Variants in OSGEPL1 observed in about 807,000 individuals in gnomAD.
The protein encoded by OSGEPL1 is O-sialoglycoprotein endopeptidase like 1.
In OSGEPL1, 26 loss-of-function variants were observed where a neutral mutation model predicts 37.2. The ratio of observed to expected loss-of-function variants is 0.70; its 90% CI spans 0.51 to 0.97. The LOEUF (loss-of-function observed/expected upper bound fraction) is 0.97, where lower values mean the gene tolerates loss of function less well. OSGEPL1 is among the 50% of genes least tolerant of loss of function. The probability of loss-of-function intolerance (pLI) is 0.00; values close to 1 mark genes in which losing one functional copy is unlikely to be tolerated. For synonymous variants in OSGEPL1, 140 were observed against 159.9 expected (o/e 0.88, Z 0.94); for missense variants, 404 against 487.0 (o/e 0.83, Z 1.60).
At chr2:189,763,099 G>T, upstream of OSGEPL1, 1 of 985,220 alleles carries the variant, frequency 1.0e-6, no homozygotes, top group Non-Finnish European at 1.2e-6. Context: ...GAAAAGGATG[G>T]GGTAGATTAT....
chr2:189,758,825 C>G (rs1207170769), intron 2 of OSGEPL1, among the ~76,000 whole-genome samples: 1 of 152,116 alleles, frequency 6.6e-6, no homozygotes, highest in Non-Finnish European at 1.5e-5. Context: ...GAAAGTATTA[C>G]AAAGAAAATA....
intron 2 of OSGEPL1, among the ~76,000 whole-genome samples, chr2:189,756,895 T>C (rs1302552124): frequency 6.6e-6 from 1 of 152,236 alleles, no homozygotes; most frequent in Admixed American, 6.5e-5. Flanking sequence ...TTTAGTTTCA[T>C]GGAATTTGGG....
chr2:189,762,741 G>C lies in OSGEPL1; in HGVS notation c.-77C>G, dbSNP rs1338613736. 2.0e-6 allele frequency: 2 copies of C among 985,464 alleles called. No individual in the cohort carries two copies. The highest frequency in any genetic ancestry group is 4.7e-5 in the South Asian group (1 of 21,284). The allele number at this position is 985,464 out of a possible 1,614,324, so 61.0% of individuals were successfully genotyped here. A position where few individuals can be genotyped will look rare whatever the true frequency, so the allele number is the denominator to read the frequency against. On this transcript the variant is annotated 5_prime_UTR_variant, in exon 1 of 9. Transcript: ENST00000264151. ...TCTCCTTTCCCTACTAAAGACTGTC[G>C]ACTGCCCTTATCGCTGCAGGAGAAA...
intron 2 of OSGEPL1, among the ~76,000 whole-genome samples, chr2:189,758,684 C>T (rs914641768): frequency 6.6e-6 from 1 of 152,210 alleles, no homozygotes; most frequent in Non-Finnish European, 1.5e-5. Flanking sequence ...CACTGAACAC[C>T]TGTGATGTGT....
chr2:189,752,325 T>C (rs1256661046), intron 7 of OSGEPL1, among the ~76,000 whole-genome samples: 1 of 152,174 alleles, frequency 6.6e-6, no homozygotes, highest in Non-Finnish European at 1.5e-5. Flanking sequence ...TTTCCCAGCA[T>C]ACTTGCTGGT....
intron 2 of OSGEPL1, among the ~76,000 whole-genome samples, chr2:189,759,287 C>T (rs368419127): frequency 2.6e-5 from 4 of 151,212 alleles, no homozygotes; most frequent in African/African-American, 7.3e-5. Context: ...CTCACTCTGT[C>T]GCCCGGGCTG....
At chr2:189,758,284 G>GT (rs200559687) in intron 2 of OSGEPL1, among the ~76,000 whole-genome samples, 2,463 of 152,216 alleles carry the variant, frequency 0.016, 65 homozygotes, top group African/African-American at 0.056. Context: ...TGAAGGCTGA[G>GT]GGGGGAGAAT....
At position 189,746,661 on chromosome 2, in the gene OSGEPL1, AT is replaced by A; in HGVS notation, c.*535del. The A allele has an allele frequency of 6.5e-7, 1 of 1,541,614 alleles. No homozygotes were observed. The highest frequency in any genetic ancestry group is 8.7e-7 in the Non-Finnish European group (1 of 1,151,558). On this transcript the variant is annotated 3_prime_UTR_variant, in exon 9 of 9. Transcript: ENST00000264151. ...TTTAGAATGAAAGGATTCCTGAGCC[AT>A]CTTTTAAAAATTTTTTTATTTTTAA...
chr2:189,752,848 C>A lies in OSGEPL1; in HGVS notation c.1094+1G>T. ...TGAAGCACGTATATCCTGTGGCTTA[C>A]CATGCAATCATAATGCCATTATCAG... On this transcript the variant is annotated splice_donor_variant, in intron 6 of 8. Transcript: ENST00000264151. LOFTEE classifies it high-confidence loss of function. 1.2e-6 allele frequency: 2 copies of A among 1,613,516 alleles called. No individual in the cohort carries two copies. The highest frequency in any genetic ancestry group is 1.7e-6 in the Non-Finnish European group (2 of 1,179,680).
intron 8 of OSGEPL1, among the ~76,000 whole-genome samples, chr2:189,748,907 A>G (rs1173512985): frequency 6.6e-6 from 1 of 151,736 alleles, no homozygotes; most frequent in Non-Finnish European, 1.5e-5. Context: ...CCATCCTACC[A>G]CTCCTAAAAT....
At chr2:189,751,988 C>CA (rs558174961) in intron 7 of OSGEPL1, among the ~76,000 whole-genome samples, 2 of 151,046 alleles carry the variant, frequency 1.3e-5, no homozygotes, top group African/African-American at 4.9e-5. Context: ...ACTAAAAATA[C>CA]AAAAAATGAG....
rs1335198862 is a variant in OSGEPL1 at position 189,754,351 on chromosome 2, A to G, written c.610-6T>C. ...AAAGAAAGTCTTCTTGCCACCTATC[A>G]AAGAAACATATTTTTTAGAGTCATA... On this transcript the variant is annotated splice_region_variant and splice_polypyrimidine_tract_variant and intron_variant, in intron 3 of 8. Coordinates refer to ENST00000264151, the MANE Select transcript of OSGEPL1 (RefSeq NM_022353.3). 6.3e-7 allele frequency: 1 copy of G among 1,588,170 alleles called. No individual in the cohort carries two copies. Among genetic ancestry groups the G allele is most frequent in the Admixed American group, 1.8e-5 (1 of 55,328 alleles).
At chr2:189,758,941 C>T (rs1472682029) in intron 2 of OSGEPL1, among the ~76,000 whole-genome samples, 2 of 152,178 alleles carry the variant, frequency 1.3e-5, no homozygotes, top group South Asian at 2.1e-4. Context: ...TTCAAAAGTT[C>T]AGTGCACTCA....
intron 2 of OSGEPL1, among the ~76,000 whole-genome samples, chr2:189,758,545 G>A (rs1474648787): frequency 1.3e-5 from 2 of 152,156 alleles, no homozygotes; most frequent in Non-Finnish European, 2.9e-5. Flanking sequence ...GTGGAAACAC[G>A]AACCAATTAA....
intron 8 of OSGEPL1, among the ~76,000 whole-genome samples, chr2:189,749,517 TATA>T (rs1424883822): frequency 6.6e-6 from 1 of 151,896 alleles, no homozygotes; most frequent in Non-Finnish European, 1.5e-5. Context: ...GTGATAAGCT[TATA>T]ATATTTGCAG....
intron 2 of OSGEPL1, among the ~76,000 whole-genome samples, chr2:189,760,501 C>A (rs1035137778): frequency 1.3e-5 from 2 of 152,198 alleles, no homozygotes; most frequent in African/African-American, 4.8e-5. Flanking sequence ...CATTAACAAT[C>A]TGGATTTCCA....
chr2:189,749,640 G>A (rs1345656102), intron 8 of OSGEPL1, among the ~76,000 whole-genome samples: 3 of 151,900 alleles, frequency 2.0e-5, no homozygotes, highest in South Asian at 2.1e-4. Context: ...CAACTAAAGC[G>A]TACAATACAT....
intron 3 of OSGEPL1, 127 bp downstream of exon 3, chr2:189,755,046 G>T: frequency 8.8e-7 from 1 of 1,133,804 alleles, no homozygotes; most frequent in Non-Finnish European, 1.2e-6. Context: ...CACCATATGT[G>T]AATTTTTTTC....
At chr2:189,755,700 A>C in intron 2 of OSGEPL1, 140 bp from the exon 3 acceptor site, 1 of 867,558 alleles carries the variant, frequency 1.2e-6, no homozygotes, top group Non-Finnish European at 1.7e-6. Context: ...GTGCCTTCTA[A>C]CATAGCACAC....
Sources: allele counts gnomAD v4.1 joint callset (sites outside exome capture counted in the v4.1 genomes callset), GRCh38; gene constraint gnomAD v4.1.1; transcripts MANE v1.5; gene names NCBI Gene and HGNC (gene_info 2026-07-23, HGNC 2026-07-21).